The following KCNIP4 variants were observed in gnomAD, a reference collection of about 807,000 sequenced individuals.
The protein encoded by KCNIP4 is potassium voltage-gated channel interacting protein 4, also known as Kv channel-interacting protein 4.
Under a neutral mutation model 34.0 loss-of-function variants are expected in KCNIP4, and 12 were observed. The observed-to-expected ratio is 0.35, with a 90% confidence interval of 0.23 to 0.57. The LOEUF (loss-of-function observed/expected upper bound fraction) is 0.57, where lower values mean the gene tolerates loss of function less well. Ranked by LOEUF, KCNIP4 falls within the 20% of genes least tolerant of loss-of-function variation. The pLI, the probability that KCNIP4 is intolerant of heterozygous loss-of-function variation, is 0.83. For missense variants in KCNIP4, 238 were observed against 311.7 expected, an observed-to-expected ratio of 0.76 and a Z score of 1.78; for synonymous variants, 124 against 102.2, an observed-to-expected ratio of 1.21 and a Z score of -1.29.
rs1163461767 is a variant in KCNIP4 at position 21,614,605 on chromosome 4, A to C, written c.61+333966T>G. Among the ~76,000 whole-genome samples, 5 of 148,742 alleles carry C rather than the reference A, an allele frequency of 3.4e-5. No homozygotes were observed. The East Asian group carries it at 7.8e-4, about 23-fold the overall frequency. On this transcript the variant is annotated intron_variant, in intron 1 of 8. Transcript: ENST00000382152. ...TAAAATTACATTACATTAAAATTAT[A>C]TTAAATTAAAATTAAATATACATTA...
chr4:21,514,417 G>C (rs1203373469), intron 1 of KCNIP4, among the ~76,000 whole-genome samples: 2 of 152,082 alleles, frequency 1.3e-5, no homozygotes, highest in African/African-American at 2.4e-5. Context: ...GAAAAGGACA[G>C]ATATTTTAGA....
At chr4:20,889,675 A>C (rs1725699292) in intron 1 of KCNIP4, among the ~76,000 whole-genome samples, 1 of 150,938 alleles carries the variant, frequency 6.6e-6, no homozygotes, top group Non-Finnish European at 1.5e-5. Context: ...TAAGTTGATT[A>C]TTTTATTGTA....
intron 1 of KCNIP4, among the ~76,000 whole-genome samples, chr4:21,534,992 C>G (rs941868705): frequency 6.6e-6 from 1 of 152,114 alleles, no homozygotes; most frequent in African/African-American, 2.4e-5. Context: ...CCATCCCTTT[C>G]CATTCCATCT....
intron 1 of KCNIP4, among the ~76,000 whole-genome samples, chr4:21,825,509 G>T (rs1452973317): frequency 1.3e-5 from 2 of 152,100 alleles, no homozygotes; most frequent in Admixed American, 6.6e-5. Context: ...CAGGCTGCTT[G>T]TATATATAAA....
At chr4:21,439,506 C>T (rs181645908) in intron 1 of KCNIP4, among the ~76,000 whole-genome samples, 25 of 152,288 alleles carry the variant, frequency 1.6e-4, no homozygotes, top group Non-Finnish European at 3.1e-4. Flanking sequence ...ATCTCCACTG[C>T]AGAGGCTGTG....
chr4:21,082,861 G>C (rs1459525167), intron 1 of KCNIP4, among the ~76,000 whole-genome samples: 1 of 112,734 alleles, frequency 8.9e-6, no homozygotes, highest in Non-Finnish European at 1.9e-5. Flanking sequence ...TCTGTGCCAG[G>C]TTATTCTATC....
intron 1 of KCNIP4, among the ~76,000 whole-genome samples, chr4:21,825,236 T>C (rs934444899): frequency 6.6e-6 from 1 of 151,206 alleles, no homozygotes; most frequent in South Asian, 2.1e-4. Context: ...AAGAAAAAAA[T>C]ATGTATAAAA....
intron 1 of KCNIP4, chr4:21,608,680 A>C (rs975772246): frequency 6.6e-6 from 1 of 152,198 alleles, no homozygotes; most frequent in Non-Finnish European, 1.5e-5. Flanking sequence ...ATAGTCACAG[A>C]ATCTAGAGAT....
At chr4:20,865,709 A>T (rs1722812104) in intron 2 of KCNIP4, among the ~76,000 whole-genome samples, 1 of 152,058 alleles carries the variant, frequency 6.6e-6, no homozygotes, top group Non-Finnish European at 1.5e-5. Context: ...GTGGGGAGGA[A>T]CTAGGGAGAT....
chr4:21,883,754 T>C (rs17569897), intron 1 of KCNIP4, among the ~76,000 whole-genome samples: 34,883 of 151,922 alleles, frequency 0.23, 4,467 homozygotes, highest in Non-Finnish European at 0.29. Flanking sequence ...GGTCTTTCCA[T>C]AGTGTTTGTC....
At chr4:21,106,945 G>T (rs1159243223) in intron 1 of KCNIP4, among the ~76,000 whole-genome samples, 2 of 151,202 alleles carry the variant, frequency 1.3e-5, no homozygotes, top group Non-Finnish European at 2.9e-5. Flanking sequence ...TAGTTTGATT[G>T]CACTGTGGTC....
chr4:20,941,931 A>C (rs73242585), intron 1 of KCNIP4, among the ~76,000 whole-genome samples: 6,986 of 152,274 alleles, frequency 0.046, 193 homozygotes, highest in Middle Eastern at 0.1. Flanking sequence ...TTTGAAAACA[A>C]CACCACAATA....
intron 1 of KCNIP4, among the ~76,000 whole-genome samples, chr4:21,356,564 C>T (rs1468022712): frequency 6.6e-6 from 1 of 152,102 alleles, no homozygotes; most frequent in Non-Finnish European, 1.5e-5. Context: ...CTCCCATTCA[C>T]AATTGCTTCA....
intron 3 of KCNIP4, among the ~76,000 whole-genome samples, chr4:20,808,032 C>A (rs1016385395): frequency 6.6e-6 from 1 of 152,114 alleles, no homozygotes; most frequent in Non-Finnish European, 1.5e-5. Flanking sequence ...CAGAGATTTT[C>A]ATTTCTATTA....
chr4:21,681,636 G>T (rs1431247110), intron 1 of KCNIP4, among the ~76,000 whole-genome samples: 1 of 152,172 alleles, frequency 6.6e-6, no homozygotes, highest in South Asian at 2.1e-4. Context: ...ATTGAAGAGA[G>T]TTAGAGCCTG....
At chr4:21,675,663 C>T (rs1025030266) in intron 1 of KCNIP4, among the ~76,000 whole-genome samples, 1 of 152,106 alleles carries the variant, frequency 6.6e-6, no homozygotes, top group Non-Finnish European at 1.5e-5. Context: ...AATTTACCAC[C>T]TTGCCTTGCT....
chr4:21,375,134 C>A (rs1184032960), intron 1 of KCNIP4, among the ~76,000 whole-genome samples: 1 of 147,230 alleles, frequency 6.8e-6, no homozygotes, highest in Non-Finnish European at 1.5e-5. Flanking sequence ...CTCAAGTATT[C>A]AAAAGCAGAA....
chr4:20,754,307 A>T (rs1578536689), intron 4 of KCNIP4, among the ~76,000 whole-genome samples: 1 of 152,196 alleles, frequency 6.6e-6, no homozygotes, highest in African/African-American at 2.4e-5. Flanking sequence ...AATTGCAGAG[A>T]GTTCTGTAGA....
intron 1 of KCNIP4, chr4:20,916,177 T>G (rs576836527): frequency 2.0e-5 from 5 of 248,552 alleles, no homozygotes; most frequent in African/African-American, 1.2e-4. Context: ...TCTGTCCACC[T>G]TCACTCACAA....
Sources: gnomAD v4.1 joint callset for allele counts (sites outside exome capture counted in the v4.1 genomes callset) on GRCh38, gnomAD v4.1.1 for gene constraint, MANE v1.5 for transcripts, NCBI Gene and HGNC (gene_info 2026-07-23, HGNC 2026-07-21) for gene names.